The following ACE variants were observed in gnomAD, a reference collection of about 807,000 sequenced individuals.
ACE encodes the protein angiotensin I converting enzyme, also known as angiotensin-converting enzyme.
Under a neutral mutation model 162.3 loss-of-function variants are expected in ACE, and 122 were observed. That is an observed-to-expected ratio of 0.75 (90% CI 0.65 to 0.87). The LOEUF is 0.87. Ranked by LOEUF, ACE falls within the 40% of genes least tolerant of loss-of-function variation. ACE has a pLI of 0.00. For synonymous variants in ACE, 796 were observed against 720.6 expected (o/e 1.10, Z -1.68); for missense variants, 1,799 against 1,735.1 (o/e 1.04, Z -0.65).
chr17:63,482,896 G>T, intron 8 of ACE, 133 bp from the exon 9 acceptor site: 2 of 1,138,394 alleles, frequency 1.8e-6, no homozygotes, highest in Non-Finnish European at 2.6e-6. Context: ...CAGGGCCCAG[G>T]GTCTCGAGGG....
At position 63,491,583 on chromosome 17, in the gene ACE, G is replaced by A. The variant is rs2030387891; in HGVS notation, c.2912+202G>A. On this transcript the variant is annotated intron_variant, in intron 19 of 24. Coordinates refer to ENST00000290866, the MANE Select transcript of ACE (RefSeq NM_000789.4). The surrounding 1 kb of genome is among the most constrained non-coding windows in gnomAD (Gnocchi z 4.4). ...CGCCTGATGGGGACTTCTGAAGCAC[G>A]CAACAGCTCTGTCAGCCTGGCCGCT... is the stretch of plus-strand genomic sequence containing the variant. Among the ~76,000 whole-genome samples, 3 of 152,166 alleles carry A rather than the reference G, an allele frequency of 2.0e-5. No homozygotes were observed. The highest frequency in any genetic ancestry group is 4.8e-5 in the African/African-American group (2 of 41,440).
chr17:63,489,247 C>A, intron 17 of ACE, 115 bp downstream of exon 17: 1 of 1,321,032 alleles, frequency 7.6e-7, no homozygotes, highest in Non-Finnish European at 1.0e-6. Flanking sequence ...AGACTCCAGC[C>A]CTGTGGGGGA....
In ACE at chr17:63,490,945, C is replaced by T. The variant is rs202204449; in HGVS notation, c.2642-9C>T. 3.7e-6 allele frequency: 6 copies of T among 1,613,762 alleles called. No individual in the cohort carries two copies. In the South Asian group the frequency reaches 4.4e-5, roughly 12 times the overall value. On this transcript the variant is annotated splice_polypyrimidine_tract_variant and intron_variant, in intron 17 of 24. Coordinates refer to ENST00000290866, the MANE Select transcript of ACE (RefSeq NM_000789.4). The stretch of plus-strand genomic sequence containing the variant: ...TCCTCTCTCTGCCGTCCCCCACACT[C>T]GCCTCCAGGGAACATGTGGGCGCAG...
chr17:63,497,196 G>A lies in ACE; in HGVS notation c.3751G>A (p.Asp1251Asn). Reference protein sequence around the residue: ...GRVSFLGLDLDAQQARVGQWL... With the variant: ...GRVSFLGLDLNAQQARVGQWL... ...CGTCAGCTTCCTGGGCCTGGACCTGGATGCGCAGCAGGCCCGCGTGGGCCA... is the reference window on the plus strand; with the variant it reads ...CGTCAGCTTCCTGGGCCTGGACCTGAATGCGCAGCAGGCCCGCGTGGGCCA... The change falls in exon 25 of 25, where the codon GAT (aspartate) becomes AAT (asparagine). Residue 1251 changes from aspartate to asparagine, a missense_variant. Asp to Asn is a conservative substitution (Grantham distance 23, BLOSUM62 1). Transcript: ENST00000290866. 1 of 1,603,196 alleles carries A rather than the reference G, an allele frequency of 6.2e-7. No homozygotes were observed.
chr17:63,482,911 C>T (rs1267276216), intron 8 of ACE, 118 bp from the exon 9 acceptor site: 2 of 1,220,046 alleles, frequency 1.6e-6, no homozygotes, highest in South Asian at 1.2e-5. Context: ...CGAGGGCCAG[C>T]CATACCTTCT....
intron 22 of ACE, among the ~76,000 whole-genome samples, chr17:63,495,667 C>A (rs1454954038): frequency 1.3e-5 from 2 of 152,220 alleles, no homozygotes; most frequent in Non-Finnish European, 2.9e-5. Context: ...CTGGCTCTCA[C>A]CCGGGAGCCA....
chr17:63,497,650 A>G lies in ACE; in HGVS notation c.*284A>G. The G allele has an allele frequency of 1.6e-6, 1 of 628,572 alleles. No individual in the cohort carries two copies. Among genetic ancestry groups the G allele is most frequent in the Non-Finnish European group, 2.9e-6 (1 of 340,202 alleles). 38.9% of individuals were successfully genotyped at this position (628,572 alleles called of 1,614,324 possible). On this transcript the variant is annotated 3_prime_UTR_variant, in exon 25 of 25. Coordinates refer to ENST00000290866, the MANE Select transcript of ACE (RefSeq NM_000789.4). The stretch of plus-strand genomic sequence containing the variant: ...AGTCTGTGTCCCTCACAGGGAAGCC[A>G]GGGACAGGGACAGGCTGCTTTCCTG...
intron 22 of ACE, 148 bp from the exon 23 acceptor site, chr17:63,496,246 T>G (rs963704484): frequency 8.3e-7 from 1 of 1,199,214 alleles, no homozygotes; most frequent in Non-Finnish European, 1.2e-6. Context: ...CTCACCCTGA[T>G]AGCTGTGGGC....
In ACE at chr17:63,477,132, T is replaced by TGCTGCC. The variant is rs532691783; in HGVS notation, c.50_55dup (p.Pro17_Leu18dup). ...TCGGGCCGCCGGGGGCCGGGGCTGC[T>TGCTGCC]GCTGCCGCTGCCGCTGCTGTTGCTG... On this transcript the variant is annotated inframe_insertion, in exon 1 of 25. Coordinates refer to ENST00000290866, the MANE Select transcript of ACE (RefSeq NM_000789.4). The TGCTGCC allele has an allele frequency of 6.0e-3, 8,491 of 1,420,308 alleles. 161 individuals are homozygous for TGCTGCC. The highest frequency in any genetic ancestry group is 0.047 in the South Asian group (3,356 of 70,708). The allele number at this position is 1,420,308 out of a possible 1,614,324, so 88.0% of individuals were successfully genotyped here. A position where few individuals can be genotyped will look rare whatever the true frequency, so the allele number is the denominator to read the frequency against.
chr17:63,494,354 T>TA lies in ACE; in HGVS notation c.3282-17dup. ...TTCTCCCCAAACTCATCTTCCAACA[T>TA]ATATTCCCACTCGACAGGCTGAAGT... On this transcript the variant is annotated splice_polypyrimidine_tract_variant and intron_variant, in intron 21 of 24. Transcript: ENST00000290866. 6.2e-7 allele frequency: 1 copy of TA among 1,611,160 alleles called. No homozygotes were observed. Among genetic ancestry groups the TA allele is most frequent in the Non-Finnish European group, 8.5e-7 (1 of 1,177,676 alleles).
Position 63,491,308 on chromosome 17 carries a change from G to A in ACE, c.2839G>A (p.Glu947Lys), listed in dbSNP as rs201076681. ...PPEFWNKSML[E>K]KPTDGREVVC... ...TGAGTTCTGGAACAAGTCGATGCTG[G>A]AGAAGCCAACCGACGGGCGGGAGGT... The change falls in exon 19 of 25, where the codon GAG (glutamate) becomes AAG (lysine). Residue 947 changes from glutamate (E) to lysine (K), a missense_variant. Glu to Lys is a moderately conservative substitution (Grantham distance 56, BLOSUM62 1). Transcript: ENST00000290866. The surrounding 1 kb of genome is among the most constrained non-coding windows in gnomAD (Gnocchi z 4.4). 37 of 1,614,058 alleles carry A rather than the reference G, an allele frequency of 2.3e-5. No individual in the cohort carries two copies. The highest frequency in any genetic ancestry group is 3.0e-5 in the Non-Finnish European group (35 of 1,180,038).
rs1439222747 is a variant in ACE, at chr17:63,491,680, C to A, written c.2912+299C>A. Among the ~76,000 whole-genome samples the A allele has an allele frequency of 1.3e-5, 2 of 152,114 alleles. No individual in the cohort carries two copies. The highest frequency in any genetic ancestry group is 4.8e-5 in the African/African-American group (2 of 41,436). ...CCCCGCGTCCCTCCTTGGGAGCAGC[C>A]CCTGCATGGAGCTGGCCTCTCCCTG... is the stretch of plus-strand genomic sequence containing the variant. On this transcript the variant is annotated intron_variant, in intron 19 of 24. Transcript: ENST00000290866. This position sits in a 1 kb window ranked among gnomAD's most constrained non-coding sequence, Gnocchi z 4.4.
At chr17:63,490,921 CCTCT>C (rs1399732342) in intron 17 of ACE, 29 bp from the exon 18 acceptor site, 3 of 1,603,058 alleles carry the variant, frequency 1.9e-6, no homozygotes, top group African/African-American at 2.7e-5. Flanking sequence ...ATTTGTCTTT[CCTCT>C]CTCTGCCGTC....
intron 24 of ACE, 49 bp downstream of exon 24, chr17:63,497,034 A>C: frequency 6.9e-7 from 1 of 1,446,950 alleles, no homozygotes; most frequent in Non-Finnish European, 9.2e-7. Context: ...CCCCCTCCCC[A>C]GGCTGGGCAG....
At chr17:63,480,780 G>A (rs1344836882) in intron 5 of ACE, among the ~76,000 whole-genome samples, 1 of 152,210 alleles carries the variant, frequency 6.6e-6, no homozygotes, top group Non-Finnish European at 1.5e-5. Flanking sequence ...TCTGGCCCTG[G>A]GTCCAGTGGG....
rs377588481 is a variant in ACE, at chr17:63,484,909, C to G, written c.1922-327C>G. ...CTACTGCAGGACTTCCCAGCCTCCT[C>G]TTCCTGCTGCTCTGCTACGGGCACC... is the stretch of plus-strand genomic sequence containing the variant. On this transcript the variant is annotated intron_variant, in intron 12 of 24. Transcript: ENST00000290866. The surrounding 1 kb of genome is among the most constrained non-coding windows in gnomAD (Gnocchi z 4.0). 1 of 1,593,550 alleles carries G rather than the reference C, an allele frequency of 6.3e-7. No individual in the cohort carries two copies. Among genetic ancestry groups the G allele is most frequent in the South Asian group, 1.1e-5 (1 of 87,608 alleles).
intron 2 of ACE, chr17:63,478,781 C>CT: frequency 1.7e-6 from 1 of 605,666 alleles, no homozygotes; most frequent in Non-Finnish European, 3.0e-6. Context: ...CTGACCCTGA[C>CT]TTTCAGGACT....
chr17:63,477,870 C>A, intron 1 of ACE, 61 bp from the exon 2 acceptor site: 1 of 1,558,332 alleles, frequency 6.4e-7, no homozygotes, highest in South Asian at 1.2e-5. Context: ...CGTGGCTTCT[C>A]CTTTATGGCC....
intron 5 of ACE, 103 bp downstream of exon 5, chr17:63,480,631 C>T (rs1444662204): frequency 8.0e-7 from 1 of 1,248,204 alleles, no homozygotes; most frequent in Non-Finnish European, 1.2e-6. Flanking sequence ...GTGACCCTCA[C>T]ATCTCACATG....
Sources: gnomAD v4.1 joint callset for allele counts (sites outside exome capture counted in the v4.1 genomes callset) on GRCh38, gnomAD v4.1.1 for gene constraint, Gnocchi (gnomAD v3.1) non-coding constraint, MANE v1.5 for transcripts, NCBI Gene and HGNC (gene_info 2026-07-23, HGNC 2026-07-21) for gene names.